Variants in PCDH7 observed in about 807,000 individuals in gnomAD.
PCDH7 encodes protocadherin 7, also known as protocadherin-7.
In PCDH7, 17 loss-of-function variants were observed where a neutral mutation model predicts 58.9. The observed-to-expected ratio is 0.29, with a 90% confidence interval of 0.20 to 0.43. The LOEUF (loss-of-function observed/expected upper bound fraction) is 0.43, where lower values mean the gene tolerates loss of function less well. Among genes scored for constraint, PCDH7 ranks in the 20% least tolerant of loss-of-function variants. The probability of loss-of-function intolerance (pLI) is 1.00; values close to 1 mark genes in which losing one functional copy is unlikely to be tolerated. For synonymous variants in PCDH7, 664 were observed against 616.4 expected (o/e 1.08, Z -1.14); for missense variants, 1,274 against 1,441.0 (o/e 0.88, Z 1.88).
intron 3 of PCDH7, among the ~76,000 whole-genome samples, chr4:31,109,146 T>G (rs1453287764): frequency 1.3e-5 from 2 of 152,114 alleles, no homozygotes; most frequent in East Asian, 3.9e-4. Context: ...TTCCACCCCA[T>G]TCCATTAATC....
rs142263261 is a variant in PCDH7, at chr4:30,863,293, T to C, written c.71-56860T>C. On this transcript the variant is annotated intron_variant, in intron 1 of 3. Coordinates refer to the PCDH7 transcript ENST00000509759. ...TTCTGTAATCTCAAACCACTGAATGTGGCTATAATATAGTTGTTCTCAACC... is the reference window on the plus strand; with the variant it reads ...TTCTGTAATCTCAAACCACTGAATGCGGCTATAATATAGTTGTTCTCAACC... Among the ~76,000 whole-genome samples the C allele has an allele frequency of 3.7e-3, 557 of 152,210 alleles. 2 individuals are homozygous for C. Among genetic ancestry groups the C allele is most frequent in the Middle Eastern group, 0.017 (5 of 294 alleles).
At chr4:31,125,267 C>A (rs1718166812) in intron 3 of PCDH7, among the ~76,000 whole-genome samples, 1 of 152,150 alleles carries the variant, frequency 6.6e-6, no homozygotes, top group Non-Finnish European at 1.5e-5. Flanking sequence ...TGTGGTTTGG[C>A]CCTGGAATCT....
At chr4:31,017,411 A>C (rs904362433) in intron 3 of PCDH7, among the ~76,000 whole-genome samples, 2 of 152,150 alleles carry the variant, frequency 1.3e-5, no homozygotes, top group Admixed American at 1.3e-4. Flanking sequence ...TCATATATAC[A>C]CTGGTCCCAT....
At chr4:30,873,305 T>A (rs955527231) in intron 1 of PCDH7, among the ~76,000 whole-genome samples, 27 of 152,076 alleles carry the variant, frequency 1.8e-4, no homozygotes, top group African/African-American at 5.8e-4. Flanking sequence ...AGAGCTAACT[T>A]TGGTATAAAA....
At chr4:30,927,557 C>T (rs1744032250) in intron 2 of PCDH7, among the ~76,000 whole-genome samples, 1 of 151,698 alleles carries the variant, frequency 6.6e-6, no homozygotes, top group African/African-American at 2.4e-5. Flanking sequence ...ATGACCTTAC[C>T]CCCAACCCTG....
intron 1 of PCDH7, among the ~76,000 whole-genome samples, chr4:30,746,930 T>C (rs897576494): frequency 6.6e-6 from 1 of 152,178 alleles, no homozygotes; most frequent in African/African-American, 2.4e-5. Context: ...TTTCGAAATA[T>C]AGGTCATTTG....
chr4:30,951,455 T>C (rs149876410), intron 3 of PCDH7, among the ~76,000 whole-genome samples: 49 of 152,236 alleles, frequency 3.2e-4, no homozygotes, highest in African/African-American at 1.2e-3. Flanking sequence ...TCCTTGCCTT[T>C]ATATTTTGTT....
chr4:31,039,439 G>A (rs1051561457), intron 3 of PCDH7, among the ~76,000 whole-genome samples: 1 of 152,126 alleles, frequency 6.6e-6, no homozygotes, highest in Non-Finnish European at 1.5e-5. Context: ...AGGCTGGAGT[G>A]CAGTGGCTGT....
intron 1 of PCDH7, among the ~76,000 whole-genome samples, chr4:30,811,849 T>C (rs1364269596): frequency 6.6e-6 from 1 of 152,106 alleles, no homozygotes; most frequent in East Asian, 1.9e-4. Flanking sequence ...AAGATTCAGA[T>C]CACTGGAGCT....
intron 1 of PCDH7, among the ~76,000 whole-genome samples, chr4:30,838,931 T>G (rs931317020): frequency 3.3e-5 from 5 of 152,090 alleles, no homozygotes; most frequent in African/African-American, 7.2e-5. Flanking sequence ...CCTACTTTCT[T>G]CCTACCTTCC....
At chr4:30,783,584 A>G (rs560390350) in intron 1 of PCDH7, among the ~76,000 whole-genome samples, 5 of 152,290 alleles carry the variant, frequency 3.3e-5, no homozygotes, top group African/African-American at 9.6e-5. Context: ...TTCTTTTAAA[A>G]TATATATATT....
At chr4:30,934,386 A>G (rs981756054) in intron 2 of PCDH7, among the ~76,000 whole-genome samples, 3 of 151,882 alleles carry the variant, frequency 2.0e-5, no homozygotes, top group Non-Finnish European at 4.4e-5. Flanking sequence ...TTGATTATTT[A>G]GCTTCTTAAA....
intron 1 of PCDH7, among the ~76,000 whole-genome samples, chr4:30,758,274 G>C (rs1416534894): frequency 6.6e-6 from 1 of 152,172 alleles, no homozygotes; most frequent in Non-Finnish European, 1.5e-5. Context: ...TTGAAGCCTG[G>C]TCCTGGAGAC....
chr4:30,817,347 C>A (rs949408922), intron 1 of PCDH7, among the ~76,000 whole-genome samples: 2 of 152,090 alleles, frequency 1.3e-5, no homozygotes, highest in African/African-American at 4.8e-5. Flanking sequence ...CTCTATGTTT[C>A]AGTATGCTGA....
chr4:31,089,005 T>C (rs1712860270), intron 3 of PCDH7, among the ~76,000 whole-genome samples: 1 of 152,082 alleles, frequency 6.6e-6, no homozygotes, highest in South Asian at 2.1e-4. Context: ...TAATATGGTG[T>C]GTTTGCACTA....
intron 1 of PCDH7, among the ~76,000 whole-genome samples, chr4:30,757,355 G>A (rs962171917): frequency 6.6e-6 from 1 of 152,162 alleles, no homozygotes; most frequent in African/African-American, 2.4e-5. Context: ...AAAGCCTTCA[G>A]TAGCACCAAT....
chr4:30,945,572 A>G (rs73214948), intron 2 of PCDH7, among the ~76,000 whole-genome samples: 10 of 151,516 alleles, frequency 6.6e-5, no homozygotes, highest in Non-Finnish European at 1.3e-4. Flanking sequence ...GCTTCAGGTC[A>G]TGCCTACACA....
chr4:30,804,194 T>G (rs1180135821), intron 1 of PCDH7, among the ~76,000 whole-genome samples: 1 of 152,166 alleles, frequency 6.6e-6, no homozygotes, highest in Non-Finnish European at 1.5e-5. Flanking sequence ...GACCTAGTAG[T>G]AGAGAGGAAG....
At chr4:30,931,375 A>G (rs769936793) in intron 2 of PCDH7, among the ~76,000 whole-genome samples, 1 of 152,172 alleles carries the variant, frequency 6.6e-6, no homozygotes, top group Non-Finnish European at 1.5e-5. Flanking sequence ...CAGGAGTTCA[A>G]GACCAGCCTG....
Sources: allele counts gnomAD v4.1 joint callset (sites outside exome capture counted in the v4.1 genomes callset), GRCh38; gene constraint gnomAD v4.1.1; transcripts MANE v1.5; gene names NCBI Gene and HGNC (gene_info 2026-07-23, HGNC 2026-07-21).